Variants in ANKRD28 observed in about 807,000 individuals in gnomAD.
ANKRD28 encodes ankyrin repeat domain 28, also known as serine/threonine-protein phosphatase 6 regulatory ankyrin repeat subunit A.
ANKRD28 carries 44 observed loss-of-function variants against 126.5 expected under a neutral mutation model. The ratio of observed to expected loss-of-function variants is 0.35; its 90% CI spans 0.27 to 0.45. The LOEUF (loss-of-function observed/expected upper bound fraction) is 0.45, where lower values mean the gene tolerates loss of function less well. Among genes scored for constraint, ANKRD28 ranks in the 20% least tolerant of loss-of-function variants. The pLI, the probability that ANKRD28 is intolerant of heterozygous loss-of-function variation, is 1.00. For missense variants in ANKRD28, 1,110 were observed against 1,316.6 expected, an observed-to-expected ratio of 0.84 and a Z score of 2.43; for synonymous variants, 442 against 468.5, an observed-to-expected ratio of 0.94 and a Z score of 0.73.
chr3:15,820,829 C>T (rs184545362), intron 1 of ANKRD28, among the ~76,000 whole-genome samples: 2 of 152,250 alleles, frequency 1.3e-5, no homozygotes, highest in East Asian at 3.9e-4. Context: ...TGACATCTCC[C>T]TATTACCCTA....
At chr3:15,852,165 T>G (rs1175957287) in intron 1 of ANKRD28, among the ~76,000 whole-genome samples, 1 of 152,222 alleles carries the variant, frequency 6.6e-6, no homozygotes, top group Non-Finnish European at 1.5e-5. Context: ...AAAAAACACT[T>G]AATTGTACAA....
intron 6 of ANKRD28, among the ~76,000 whole-genome samples, chr3:15,730,029 C>CT (rs921404954): frequency 4.0e-5 from 6 of 151,802 alleles, no homozygotes; most frequent in African/African-American, 9.7e-5. Flanking sequence ...TATTAATTTT[C>CT]TTTTTTTTGT....
intron 27 of ANKRD28, among the ~76,000 whole-genome samples, chr3:15,672,083 C>G (rs1012842748): frequency 1.1e-4 from 17 of 151,540 alleles, no homozygotes; most frequent in African/African-American, 4.1e-4. Flanking sequence ...TACTGGGCAT[C>G]TGGTTGCTTC....
intron 2 of ANKRD28, among the ~76,000 whole-genome samples, chr3:15,794,667 C>T (rs1241317233): frequency 1.3e-5 from 2 of 152,126 alleles, no homozygotes; most frequent in Non-Finnish European, 1.5e-5. Flanking sequence ...ACTACTGTAT[C>T]GTTAAGTCTG....
intron 4 of ANKRD28, among the ~76,000 whole-genome samples, chr3:15,747,483 T>C (rs1291496686): frequency 6.6e-6 from 1 of 151,006 alleles, no homozygotes. Context: ...GGTTATTTAA[T>C]TTCCATATTT....
In ANKRD28 at chr3:15,677,044, T is replaced by A. The variant is rs1363707298; in HGVS notation, c.2803A>T (p.Ser935Cys). 6.2e-7 allele frequency: 1 copy of A among 1,613,108 alleles called. No homozygotes were observed. Among genetic ancestry groups the A allele is most frequent in the African/African-American group, 1.3e-5 (1 of 74,980 alleles). The stretch of plus-strand genomic sequence containing the variant: ...ATCTTTTCCAGTATTAACAAGGCAC[T>A]AGTTTCATGACCCTATAATTGTGGC... ...HLACSKGHETSALLILEKITD... is the reference protein window; with the variant it reads ...HLACSKGHETCALLILEKITD... Residue 935 changes from serine (S) to cysteine (C), a missense_variant, in exon 26 of 28, where the codon AGT becomes TGT. Ser to Cys is a moderately radical substitution (Grantham distance 112, BLOSUM62 -1). Coordinates refer to ENST00000683139, the MANE Select transcript of ANKRD28 (RefSeq NM_001349278.2).
At chr3:15,678,568 G>T (rs1333032405) in intron 23 of ANKRD28, among the ~76,000 whole-genome samples, 2 of 152,054 alleles carry the variant, frequency 1.3e-5, no homozygotes, top group African/African-American at 4.8e-5. Context: ...AATTAAACTA[G>T]AACTAGTATG....
intron 4 of ANKRD28, among the ~76,000 whole-genome samples, chr3:15,743,516 T>C (rs2057256118): frequency 6.6e-6 from 1 of 151,350 alleles, no homozygotes. Context: ...ATAAGTCGTA[T>C]GCTCTCCAGC....
chr3:15,798,680 T>A (rs910288366), upstream of ANKRD28, among the ~76,000 whole-genome samples: 1 of 152,060 alleles, frequency 6.6e-6, no homozygotes, highest in Non-Finnish European at 1.5e-5. Flanking sequence ...GAATTACCTA[T>A]GTCAAAAGGG....
intron 14 of ANKRD28, 109 bp downstream of exon 14, chr3:15,707,815 T>A (rs1307617065): frequency 4.5e-6 from 6 of 1,334,880 alleles, no homozygotes. Context: ...GCAAAGATAA[T>A]CAACAAAAAA....
In ANKRD28 at chr3:15,803,749, T is replaced by C. The variant is rs550793116; in HGVS notation, c.28-8443A>G. ...TTTGACTTAAGCAACCAGTGCTTAT[T>C]GGAGTTTAAGAAATTTGGGACTTTT... On this transcript the variant is annotated intron_variant, in intron 1 of 27. Coordinates refer to the ANKRD28 transcript ENST00000399451. Among the ~76,000 whole-genome samples the C allele has an allele frequency of 7.7e-4, 90 of 117,008 alleles. 5 individuals carry two copies. The highest frequency in any genetic ancestry group is 2.5e-4 in the Admixed American group (3 of 11,838). The allele number at this position is 117,008 out of a possible 152,430, so 76.8% of individuals were successfully genotyped here.
chr3:15,760,169 C>G (rs1036666485), intron 3 of ANKRD28, among the ~76,000 whole-genome samples: 6 of 152,048 alleles, frequency 3.9e-5, no homozygotes, highest in African/African-American at 1.2e-4. Context: ...CAGAGGGACA[C>G]AACACACACT....
intron 2 of ANKRD28, among the ~76,000 whole-genome samples, chr3:15,766,659 A>C (rs2058753887): frequency 6.6e-6 from 1 of 152,174 alleles, no homozygotes; most frequent in African/African-American, 2.4e-5. Flanking sequence ...GTAACAGAGC[A>C]GGACCCTGTC....
rs1041100617 is a variant in ANKRD28, at chr3:15,774,882, T to A, written c.202-8570A>T. ...GGCAGGAGATTTATTTATGTATGTA[T>A]GTATTTATTTTTCAGACAGAGTCTC... On this transcript the variant is annotated intron_variant, in intron 2 of 27. Transcript: ENST00000683139. 2.3e-4 allele frequency among the ~76,000 whole-genome samples: 34 copies of A among 151,052 alleles called. 5 individuals carry two copies. The highest frequency in any genetic ancestry group is 9.9e-4 in the Admixed American group (15 of 15,198).
intron 2 of ANKRD28, among the ~76,000 whole-genome samples, chr3:15,786,030 G>C (rs1271457932): frequency 1.3e-5 from 2 of 151,984 alleles, no homozygotes; most frequent in African/African-American, 4.8e-5. Flanking sequence ...CAGGGACTGG[G>C]GGGAAGAACG....
intron 1 of ANKRD28, among the ~76,000 whole-genome samples, chr3:15,813,519 T>A (rs1249931738): frequency 6.6e-6 from 1 of 152,214 alleles, no homozygotes; most frequent in Non-Finnish European, 1.5e-5. Context: ...TCATAAGATA[T>A]TTAACAAAAA....
At chr3:15,704,789 G>T (rs1382230109) in intron 14 of ANKRD28, among the ~76,000 whole-genome samples, 1 of 152,036 alleles carries the variant, frequency 6.6e-6, no homozygotes, top group Admixed American at 6.6e-5. Flanking sequence ...GATGCCTCTG[G>T]TATCCCAGAA....
At chr3:15,836,688 A>C (rs1157418652) in intron 1 of ANKRD28, among the ~76,000 whole-genome samples, 1 of 152,200 alleles carries the variant, frequency 6.6e-6, no homozygotes, top group African/African-American at 2.4e-5. Context: ...TACCTGACAA[A>C]ACAGACTTTA....
At chr3:15,740,493 G>A (rs549849636) in intron 4 of ANKRD28, among the ~76,000 whole-genome samples, 27 of 152,314 alleles carry the variant, frequency 1.8e-4, no homozygotes, top group African/African-American at 6.3e-4. Flanking sequence ...ACAGTACATT[G>A]TGACTTGGGG....
Sources: allele counts gnomAD v4.1 joint callset (sites outside exome capture counted in the v4.1 genomes callset), GRCh38; gene constraint gnomAD v4.1.1; transcripts MANE v1.5; gene names NCBI Gene and HGNC (gene_info 2026-07-23, HGNC 2026-07-21).